The following KYNU variants were observed in gnomAD, a reference collection of about 807,000 sequenced individuals.
KYNU encodes the protein kynureninase, also known as L-kynurenine hydrolase.
Under a neutral mutation model 59.2 loss-of-function variants are expected in KYNU, and 54 were observed. The observed-to-expected ratio is 0.91, with a 90% CI of 0.73 to 1.14. The LOEUF is 1.14. Among genes scored for constraint, KYNU ranks in the 50% most tolerant of loss-of-function variants. KYNU has a pLI of 0.00. For synonymous variants in KYNU, 177 were observed against 192.0 expected (o/e 0.92, Z 0.65); for missense variants, 567 against 554.4 (o/e 1.02, Z -0.23).
intron 8 of KYNU, among the ~76,000 whole-genome samples, chr2:142,983,210 G>A (rs938930090): frequency 6.6e-6 from 1 of 152,032 alleles, no homozygotes; most frequent in Non-Finnish European, 1.5e-5. Flanking sequence ...TTGAGTTCAG[G>A]TGAGGATGAT....
At chr2:143,039,359 C>T (rs1410300171) in intron 12 of KYNU, among the ~76,000 whole-genome samples, 5 of 152,020 alleles carry the variant, frequency 3.3e-5, no homozygotes, top group Admixed American at 2.6e-4. Context: ...GATCATATTG[C>T]ACTTTTTTGA....
In KYNU at chr2:143,021,581, G is replaced by A. The variant is rs1686410017; in HGVS notation, c.903-8046G>A. ...TTACAATCATGGCAGGAGGCAAATGGGGGGCAGGCACCTCACGTGGCAGGA... is the reference window on the plus strand; with the variant it reads ...TTACAATCATGGCAGGAGGCAAATGAGGGGCAGGCACCTCACGTGGCAGGA... On this transcript the variant is annotated intron_variant, in intron 10 of 13. Coordinates refer to ENST00000264170, the MANE Select transcript of KYNU (RefSeq NM_003937.3). 4.0e-5 allele frequency among the ~76,000 whole-genome samples: 6 copies of A among 151,256 alleles called. No homozygotes were observed. In the South Asian group the frequency reaches 1.2e-3, roughly 31 times the overall value.
intron 4 of KYNU, among the ~76,000 whole-genome samples, chr2:142,941,184 G>A (rs976749737): frequency 1.3e-5 from 2 of 152,178 alleles, no homozygotes; most frequent in African/African-American, 4.8e-5. Flanking sequence ...ATAGTGAGAT[G>A]TCTCTCAGGG....
Position 142,986,016 on chromosome 2 carries a change from AC to A in KYNU, c.899del (p.Pro300LeufsTer3). On this transcript the variant is annotated frameshift_variant, in exon 10 of 14. Transcript: ENST00000264170. LOFTEE classifies it high-confidence loss of function. ...IHEKHAHTIK[P>X]ALVGWFGHEL... ...ATGAAAAGCATGCCCATACGATTAA[AC>A]CTGCGTGAGTACCATCTTCAGCTAA... 2 of 1,607,246 alleles carry A rather than the reference AC, an allele frequency of 1.2e-6. No homozygotes were observed. Among genetic ancestry groups the A allele is most frequent in the Non-Finnish European group, 1.7e-6 (2 of 1,174,522 alleles).
chr2:142,957,969 G>A, intron 7 of KYNU: 1 of 390,926 alleles, frequency 2.6e-6, no homozygotes, highest in Non-Finnish European at 4.7e-6. Context: ...ACTGGATTCT[G>A]CCATATTCTT....
At chr2:142,886,027 A>G (rs901301044) in intron 2 of KYNU, among the ~76,000 whole-genome samples, 5 of 152,236 alleles carry the variant, frequency 3.3e-5, no homozygotes, top group African/African-American at 1.2e-4. Context: ...TGTAAGAGTT[A>G]CCAAGAAAAG....
chr2:142,964,888 G>C (rs1035149120), intron 8 of KYNU: 3 of 152,200 alleles, frequency 2.0e-5, no homozygotes, highest in Non-Finnish European at 4.4e-5. Context: ...TGTGGCAAGA[G>C]ACATCAGTTT....
intron 2 of KYNU, among the ~76,000 whole-genome samples, chr2:142,909,744 A>C (rs970829686): frequency 2.0e-5 from 3 of 152,208 alleles, no homozygotes; most frequent in African/African-American, 7.2e-5. Context: ...GCTTTTATGA[A>C]TAGTTCTGCA....
chr2:142,948,924 A>G lies in KYNU; in HGVS notation c.374-5886A>G, dbSNP rs555107049. On this transcript the variant is annotated intron_variant, in intron 4 of 13. Coordinates refer to ENST00000264170, the MANE Select transcript of KYNU (RefSeq NM_003937.3). ...GGTCCCTTCTGCCTATGATCCTGTA[A>G]GATAAATGGCAAGTTAATTATTCCT... Among the ~76,000 whole-genome samples the G allele has an allele frequency of 2.6e-4, 39 of 152,364 alleles. 1 individual carries two copies. The highest frequency in any genetic ancestry group is 8.7e-4 in the African/African-American group (36 of 41,590).
chr2:142,976,667 C>A (rs948491214), intron 8 of KYNU, among the ~76,000 whole-genome samples: 9 of 152,092 alleles, frequency 5.9e-5, no homozygotes, highest in African/African-American at 2.2e-4. Flanking sequence ...TCAAAAGTAT[C>A]TGAGACAGGT....
At chr2:142,990,833 G>A (rs1231692285) in intron 10 of KYNU, among the ~76,000 whole-genome samples, 2 of 151,852 alleles carry the variant, frequency 1.3e-5, no homozygotes, top group Non-Finnish European at 2.9e-5. Context: ...TTGATTGAAA[G>A]TTTTAAACAG....
intron 2 of KYNU, among the ~76,000 whole-genome samples, chr2:142,885,871 T>A (rs1350022957): frequency 2.0e-5 from 3 of 152,216 alleles, no homozygotes; most frequent in Non-Finnish European, 4.4e-5. Flanking sequence ...TATTTTAGAA[T>A]GCAGTGTTAG....
At chr2:143,012,502 A>G (rs182968587) in intron 10 of KYNU, among the ~76,000 whole-genome samples, 114 of 151,866 alleles carry the variant, frequency 7.5e-4, no homozygotes, top group African/African-American at 2.6e-3. Flanking sequence ...AAAAAAAAAA[A>G]AAAGAAAGAA....
chr2:142,911,554 G>C (rs1381434005), intron 2 of KYNU, among the ~76,000 whole-genome samples: 2 of 151,810 alleles, frequency 1.3e-5, no homozygotes, highest in Admixed American at 1.3e-4. Context: ...TCTTTCTCTT[G>C]ACTGACTGCC....
chr2:142,960,026 A>G (rs1210777972), intron 7 of KYNU, among the ~76,000 whole-genome samples: 1 of 152,176 alleles, frequency 6.6e-6, no homozygotes, highest in African/African-American at 2.4e-5. Context: ...AGCTGGGATT[A>G]CGGGCATGCA....
At chr2:142,880,972 T>C (rs1033932737) in intron 1 of KYNU, among the ~76,000 whole-genome samples, 1 of 152,248 alleles carries the variant, frequency 6.6e-6, no homozygotes, top group African/African-American at 2.4e-5. Flanking sequence ...ATTATTATCG[T>C]AAGTAAAGTA....
chr2:143,018,063 G>T (rs2105213746), intron 10 of KYNU, among the ~76,000 whole-genome samples: 1 of 152,280 alleles, frequency 6.6e-6, no homozygotes. Context: ...TGCATAGTTT[G>T]TAAATATTTC....
At chr2:142,977,372 G>GAGTTATATATATAT (rs1553484697) in intron 8 of KYNU, among the ~76,000 whole-genome samples, 12 of 131,214 alleles carry the variant, frequency 9.1e-5, no homozygotes, top group African/African-American at 3.5e-4. Flanking sequence ...ATTTTGTGTG[G>GAGTTATATATATAT]ATATATATAT....
Position 142,972,813 on chromosome 2 carries a change from T to TATATAGAG in KYNU, c.729+12044_729+12045insTATAGAGA, listed in dbSNP as rs1478067181. ...GGCCATATATATATATATATATATA[T>TATATAGAG]AGAGAGAGAGAGAGAGAGAGAGAGA... is the stretch of plus-strand genomic sequence containing the variant. On this transcript the variant is annotated intron_variant, in intron 8 of 13. Coordinates refer to ENST00000264170, the MANE Select transcript of KYNU (RefSeq NM_003937.3). 6.4e-3 allele frequency among the ~76,000 whole-genome samples: 790 copies of TATATAGAG among 124,188 alleles called. 5 individuals are homozygous for TATATAGAG. The highest frequency in any genetic ancestry group is 0.019 in the African/African-American group (623 of 32,044). 81.5% of individuals were successfully genotyped at this position (124,188 alleles called of 152,430 possible).
Sources: gnomAD v4.1 joint callset for allele counts (sites outside exome capture counted in the v4.1 genomes callset) on GRCh38, gnomAD v4.1.1 for gene constraint, MANE v1.5 for transcripts, NCBI Gene and HGNC (gene_info 2026-07-23, HGNC 2026-07-21) for gene names.